Variants in CDH18 observed in about 807,000 individuals in gnomAD.
The protein encoded by CDH18 is cadherin-18.
Under a neutral mutation model 67.9 loss-of-function variants are expected in CDH18, and 31 were observed. The observed-to-expected ratio is 0.46, with a 90% confidence interval of 0.34 to 0.62. The LOEUF (loss-of-function observed/expected upper bound fraction) is 0.62. Ranked by LOEUF, CDH18 falls within the 20% of genes least tolerant of loss-of-function variation. CDH18 has a pLI of 0.01. For synonymous variants in CDH18, 362 were observed against 347.2 expected, an observed-to-expected ratio of 1.04 and a Z score of -0.48; for missense variants, 890 against 975.5, an observed-to-expected ratio of 0.91 and a Z score of 1.17.
intron 2 of CDH18, among the ~76,000 whole-genome samples, chr5:20,164,975 G>A: frequency 6.6e-6 from 1 of 152,130 alleles, no homozygotes; most frequent in Admixed American, 6.5e-5. Flanking sequence ...AAAAGAAAAT[G>A]GAATACAAAA....
chr5:20,537,398 A>T (rs1009957760), intron 1 of CDH18, among the ~76,000 whole-genome samples: 1 of 151,816 alleles, frequency 6.6e-6, no homozygotes, highest in Non-Finnish European at 1.5e-5. Flanking sequence ...TAAAAAACTG[A>T]TTTTTTATTG....
intron 1 of CDH18, among the ~76,000 whole-genome samples, chr5:20,560,508 CACA>C (rs1561131677): frequency 6.6e-5 from 10 of 150,424 alleles, no homozygotes; most frequent in South Asian, 4.2e-4. Context: ...CACACACACA[CACA>C]CCCCTACATT....
At chr5:20,025,633 T>C (rs546031139) in intron 2 of CDH18, among the ~76,000 whole-genome samples, 1 of 152,330 alleles carries the variant, frequency 6.6e-6, no homozygotes, top group African/African-American at 2.4e-5. Flanking sequence ...CAGTTTGTGT[T>C]GCCCAAATAT....
At chr5:19,979,570 G>A (rs1356105338) in intron 2 of CDH18, among the ~76,000 whole-genome samples, 1 of 151,978 alleles carries the variant, frequency 6.6e-6, no homozygotes, top group Non-Finnish European at 1.5e-5. Flanking sequence ...ATAAATTGAG[G>A]TTGACAGGAA....
intron 2 of CDH18, among the ~76,000 whole-genome samples, chr5:20,114,412 A>G (rs1747724687): frequency 6.6e-6 from 1 of 152,152 alleles, no homozygotes; most frequent in Admixed American, 6.5e-5. Context: ...GAAAATAAGA[A>G]AAGAATCAGC....
chr5:19,741,253 ATATG>A, intron 4 of CDH18, among the ~76,000 whole-genome samples: 1 of 73,240 alleles, frequency 1.4e-5, no homozygotes. Context: ...ATGTATGTAT[ATATG>A]TATACATATA....
At chr5:19,633,369 T>C (rs1009119315) in intron 5 of CDH18, among the ~76,000 whole-genome samples, 1 of 152,166 alleles carries the variant, frequency 6.6e-6, no homozygotes, top group Non-Finnish European at 1.5e-5. Context: ...TCAGTGAACG[T>C]TGATTGCATT....
chr5:19,839,242 C>T lies in CDH18; in HGVS notation c.-256G>A, dbSNP rs1782006096. ...GTTGAACACAAGCAACCATTTTCAA[C>T]CTAATGGAAAGAGAAAATTATATGT... is the stretch of plus-strand genomic sequence containing the variant. On this transcript the variant is annotated splice_region_variant and 5_prime_UTR_variant, in exon 3 of 13. Coordinates refer to ENST00000382275, the MANE Select transcript of CDH18 (RefSeq NM_004934.5). 5 of 435,294 alleles carry T rather than the reference C, an allele frequency of 1.1e-5. No homozygotes were observed. In the East Asian group the frequency reaches 1.5e-4, roughly 13 times the overall value. 27.0% of individuals were successfully genotyped at this position (435,294 alleles called of 1,614,324 possible).
intron 5 of CDH18, among the ~76,000 whole-genome samples, chr5:19,694,787 A>G (rs768564853): frequency 6.6e-6 from 1 of 151,936 alleles, no homozygotes; most frequent in Non-Finnish European, 1.5e-5. Context: ...TGAATAAATG[A>G]ACAACAAGGA....
chr5:19,636,388 T>A (rs2150202612), intron 5 of CDH18, among the ~76,000 whole-genome samples: 1 of 152,118 alleles, frequency 6.6e-6, no homozygotes, highest in South Asian at 2.1e-4. Flanking sequence ...AAAACGTTTT[T>A]TCCAACCAAA....
At chr5:20,085,493 A>G (rs1461637416) in intron 2 of CDH18, among the ~76,000 whole-genome samples, 1 of 152,094 alleles carries the variant, frequency 6.6e-6, no homozygotes, top group Non-Finnish European at 1.5e-5. Flanking sequence ...AGTCACTTCC[A>G]CATTTTTGGG....
At chr5:20,470,680 C>T (rs549622887) in intron 1 of CDH18, among the ~76,000 whole-genome samples, 119 of 152,290 alleles carry the variant, frequency 7.8e-4, no homozygotes, top group Admixed American at 2.4e-3. Flanking sequence ...TCAGGGCTTC[C>T]GTCTCTATGC....
At chr5:20,363,828 C>A (rs985318221) in intron 1 of CDH18, among the ~76,000 whole-genome samples, 9 of 151,870 alleles carry the variant, frequency 5.9e-5, no homozygotes, top group Admixed American at 4.6e-4. Flanking sequence ...CAAAAAAGAC[C>A]AAATTATTGC....
At chr5:20,081,909 T>C (rs2150544685) in intron 2 of CDH18, among the ~76,000 whole-genome samples, 1 of 152,280 alleles carries the variant, frequency 6.6e-6, no homozygotes, top group Admixed American at 6.5e-5. Flanking sequence ...TTATCCATAT[T>C]ACAAACCTGA....
intron 1 of CDH18, among the ~76,000 whole-genome samples, chr5:20,297,767 G>A (rs1747654854): frequency 6.6e-6 from 1 of 152,184 alleles, no homozygotes; most frequent in Admixed American, 6.5e-5. Flanking sequence ...TAGGGGGATA[G>A]TGTGATCCAA....
At chr5:19,589,873 T>G (rs1001318543) in intron 7 of CDH18, among the ~76,000 whole-genome samples, 25 of 152,144 alleles carry the variant, frequency 1.6e-4, no homozygotes, top group African/African-American at 6.0e-4. Flanking sequence ...ACAGTCTATA[T>G]CTAATTTACT....
intron 2 of CDH18, among the ~76,000 whole-genome samples, chr5:19,993,362 C>G (rs891218547): frequency 9.2e-5 from 14 of 151,978 alleles, no homozygotes; most frequent in African/African-American, 3.4e-4. Context: ...AGCAAAGCAC[C>G]ACAATGAATG....
At chr5:20,241,892 G>GTATACATATATA (rs1554106529) in intron 2 of CDH18, among the ~76,000 whole-genome samples, 1 of 29,292 alleles carries the variant, frequency 3.4e-5, no homozygotes, top group African/African-American at 9.2e-5. Flanking sequence ...ATATATATAT[G>GTATACATATATA]TATATATATA....
At chr5:20,168,602 T>C (rs1369412601) in intron 2 of CDH18, among the ~76,000 whole-genome samples, 2 of 152,044 alleles carry the variant, frequency 1.3e-5, no homozygotes, top group African/African-American at 2.4e-5. Flanking sequence ...TGTGATAAAA[T>C]AGACTATATA....
Sources: allele counts gnomAD v4.1 joint callset (sites outside exome capture counted in the v4.1 genomes callset), GRCh38; gene constraint gnomAD v4.1.1; transcripts MANE v1.5; gene names NCBI Gene and HGNC (gene_info 2026-07-23, HGNC 2026-07-21).